Variants in STPG2 observed in about 807,000 individuals in gnomAD.
STPG2 encodes sperm-tail PG-rich repeat-containing protein 2.
Under a neutral mutation model 54.2 loss-of-function variants are expected in STPG2, and 56 were observed. That is an observed-to-expected ratio of 1.03 (90% CI 0.83 to 1.29). The LOEUF (loss-of-function observed/expected upper bound fraction) is 1.29, where lower values mean the gene tolerates loss of function less well. Among genes scored for constraint, STPG2 ranks in the 50% most tolerant of loss-of-function variants. The probability of loss-of-function intolerance (pLI) is 0.00; values close to 1 mark genes in which losing one functional copy is unlikely to be tolerated. For synonymous variants in STPG2, 200 were observed against 181.8 expected (o/e 1.10, Z -0.81); for missense variants, 596 against 544.9 (o/e 1.09, Z -0.93).
intron 10 of STPG2, among the ~76,000 whole-genome samples, chr4:97,608,353 C>T (rs1307246083): frequency 6.6e-6 from 1 of 151,880 alleles, no homozygotes; most frequent in African/African-American, 2.4e-5. Context: ...AAAATTTGGC[C>T]ATCACATTGT....
chr4:97,863,130 A>T (rs1177674649), intron 8 of STPG2, among the ~76,000 whole-genome samples: 1 of 152,086 alleles, frequency 6.6e-6, no homozygotes, highest in African/African-American at 2.4e-5. Flanking sequence ...GACACAAAAA[A>T]CCCTTAAAAA....
intron 9 of STPG2, among the ~76,000 whole-genome samples, chr4:97,812,952 A>C (rs966215520): frequency 2.8e-4 from 43 of 152,258 alleles, no homozygotes; most frequent in African/African-American, 9.9e-4. Context: ...AGTTGTCGCT[A>C]TCTTAAATGG....
chr4:97,933,872 TTAAAG>T (rs1490781362), intron 8 of STPG2, among the ~76,000 whole-genome samples: 10 of 152,206 alleles, frequency 6.6e-5, no homozygotes, highest in African/African-American at 2.4e-4. Context: ...AATATGAAGT[TTAAAG>T]TAGTTTTTTC....
intron 10 of STPG2, among the ~76,000 whole-genome samples, chr4:97,645,296 T>C (rs540155521): frequency 2.7e-5 from 4 of 148,058 alleles, no homozygotes; most frequent in South Asian, 2.1e-4. Context: ...GAGCAGAAAG[T>C]ATCTTGCTGA....
chr4:97,665,909 G>A (rs1260070235), intron 10 of STPG2, among the ~76,000 whole-genome samples: 1 of 152,120 alleles, frequency 6.6e-6, no homozygotes, highest in Admixed American at 6.5e-5. Context: ...CCTCAACTTT[G>A]CTCCAAGATT....
At chr4:97,654,298 T>G (rs1722160184) in intron 10 of STPG2, among the ~76,000 whole-genome samples, 1 of 152,168 alleles carries the variant, frequency 6.6e-6, no homozygotes, top group Admixed American at 6.6e-5. Context: ...ATACACATTT[T>G]AAAATATTTG....
At position 97,881,561 on chromosome 4, in the gene STPG2, A is replaced by G. The variant is rs1578651355; in HGVS notation, c.1045-40629T>C. ...AGTCATAAATAAAATGACTTAGATG[A>G]TTCTTTGGGAAATGACATAAATAAT... On this transcript the variant is annotated intron_variant, in intron 8 of 10. Transcript: ENST00000295268. Among the ~76,000 whole-genome samples, 3 of 152,294 alleles carry G rather than the reference A, an allele frequency of 2.0e-5. No homozygotes were observed. In the South Asian group the frequency reaches 6.2e-4, roughly 32 times the overall value.
At chr4:97,678,895 G>C (rs546629112) in intron 10 of STPG2, among the ~76,000 whole-genome samples, 1 of 151,330 alleles carries the variant, frequency 6.6e-6, no homozygotes, top group East Asian at 1.9e-4. Flanking sequence ...TTGTTCTTGC[G>C]ATAGTTTACT....
intron 10 of STPG2, among the ~76,000 whole-genome samples, chr4:97,663,771 T>G (rs947686587): frequency 2.0e-5 from 3 of 152,200 alleles, no homozygotes; most frequent in Non-Finnish European, 2.9e-5. Context: ...TCTGTAGGCC[T>G]GCTGTGCTAT....
intron 5 of STPG2, among the ~76,000 whole-genome samples, chr4:98,082,825 T>C (rs191862680): frequency 6.6e-5 from 10 of 152,198 alleles, no homozygotes; most frequent in Admixed American, 5.2e-4. Flanking sequence ...AAACTCTTCA[T>C]TGACTCCCTT....
Position 98,101,606 on chromosome 4 carries a change from C to T in STPG2, c.612+4347G>A, listed in dbSNP as rs190306048. On this transcript the variant is annotated intron_variant, in intron 5 of 10. Coordinates refer to ENST00000295268, the MANE Select transcript of STPG2 (RefSeq NM_174952.3). ...CAACCTTAAATATAGCCCAGTACAACGCAAGAGCAGCAGCGTAGCAATTCC... is the reference window on the plus strand; with the variant it reads ...CAACCTTAAATATAGCCCAGTACAATGCAAGAGCAGCAGCGTAGCAATTCC... 1.2e-3 allele frequency among the ~76,000 whole-genome samples: 176 copies of T among 152,168 alleles called. 2 individuals are homozygous for T. Among genetic ancestry groups the T allele is most frequent in the Middle Eastern group, 3.4e-3 (1 of 294 alleles).
intron 10 of STPG2, among the ~76,000 whole-genome samples, chr4:97,571,820 C>G (rs1254728046): frequency 6.6e-6 from 1 of 152,166 alleles, no homozygotes; most frequent in Non-Finnish European, 1.5e-5. Context: ...TCATATTTGG[C>G]TCACAATAAA....
chr4:97,607,104 A>G (rs1733614467), intron 10 of STPG2, among the ~76,000 whole-genome samples: 1 of 152,074 alleles, frequency 6.6e-6, no homozygotes, highest in Admixed American at 6.6e-5. Flanking sequence ...CCTTTTAAAA[A>G]GGTATTGATT....
intron 4 of STPG2, among the ~76,000 whole-genome samples, chr4:97,520,009 A>AT (rs1731149669): frequency 1.3e-5 from 2 of 152,030 alleles, no homozygotes; most frequent in Admixed American, 6.6e-5. Flanking sequence ...TAAAATAGGG[A>AT]TAAAAATAGT....
chr4:97,757,376 A>G (rs1208256048), intron 9 of STPG2, among the ~76,000 whole-genome samples: 2 of 152,122 alleles, frequency 1.3e-5, no homozygotes, highest in Non-Finnish European at 1.5e-5. Context: ...TATCACTAAC[A>G]CCAAGATGAG....
chr4:97,781,679 A>G (rs113880500), intron 9 of STPG2, among the ~76,000 whole-genome samples: 1 of 152,134 alleles, frequency 6.6e-6, no homozygotes, highest in East Asian at 1.9e-4. Context: ...TGCAAAAATC[A>G]TGAATAAAAT....
Position 97,636,589 on chromosome 4 carries a change from T to C in STPG2, c.1320+76110A>G, listed in dbSNP as rs1157706974. Among the ~76,000 whole-genome samples the C allele has an allele frequency of 1.4e-4, 21 of 149,750 alleles. No homozygotes were observed. In the East Asian group the frequency reaches 2.4e-3, roughly 17 times the overall value. On this transcript the variant is annotated intron_variant, in intron 10 of 10. Transcript: ENST00000295268. Reference sequence around the variant, plus strand: ...GAAAGGATCAACAAAATTGATAGACTGCTAGCAAGACTAATAAAGAAAAAA... The same window carrying C: ...GAAAGGATCAACAAAATTGATAGACCGCTAGCAAGACTAATAAAGAAAAAA...
At chr4:97,738,047 G>A (rs925778544) in intron 9 of STPG2, among the ~76,000 whole-genome samples, 1 of 152,146 alleles carries the variant, frequency 6.6e-6, no homozygotes, top group African/African-American at 2.4e-5. Context: ...AGAGAGCGAA[G>A]GCCAATATTC....
intron 10 of STPG2, among the ~76,000 whole-genome samples, chr4:97,662,223 T>C (rs774842005): frequency 2.6e-5 from 4 of 151,912 alleles, no homozygotes; most frequent in Non-Finnish European, 4.4e-5. Context: ...GCAAAGGACA[T>C]GAATAAACAC....
Sources: allele counts gnomAD v4.1 joint callset (sites outside exome capture counted in the v4.1 genomes callset), GRCh38; gene constraint gnomAD v4.1.1; transcripts MANE v1.5; gene names NCBI Gene and HGNC (gene_info 2026-07-23, HGNC 2026-07-21).